The following FLCN variants were observed in gnomAD, a reference collection of about 807,000 sequenced individuals.
FLCN encodes the protein folliculin.
Under a neutral mutation model 62.5 loss-of-function variants are expected in FLCN, and 22 were observed. The ratio of observed to expected loss-of-function variants is 0.35; its 90% CI spans 0.25 to 0.50. FLCN has a LOEUF of 0.50. FLCN is among the 20% of genes least tolerant of loss of function. FLCN has a pLI of 0.97. For synonymous variants in FLCN, 319 were observed against 310.0 expected (o/e 1.03, Z -0.30); for missense variants, 657 against 778.0 (o/e 0.84, Z 1.85).
chr17:17,219,148 A>AG lies in FLCN; in HGVS notation c.932dup (p.Val312CysfsTer78). 6.2e-7 allele frequency: 1 copy of AG among 1,614,166 alleles called. No individual in the cohort carries two copies. The highest frequency in any genetic ancestry group is 8.5e-7 in the Non-Finnish European group (1 of 1,180,032). On this transcript the variant is annotated frameshift_variant, in exon 9 of 14. Coordinates refer to ENST00000285071, the MANE Select transcript of FLCN (RefSeq NM_144997.7). LOFTEE classifies it high-confidence loss of function. ...GCCCTTCTGTACTCTCTGGCAACAC[A>AG]GGGGCTTTCTCCTCCTCTTCAGCCT... is the stretch of plus-strand genomic sequence containing the variant.
intron 7 of FLCN, 140 bp from the exon 8 acceptor site, chr17:17,221,768 G>A (rs1008336184): frequency 2.8e-5 from 25 of 881,444 alleles, no homozygotes; most frequent in Middle Eastern, 3.2e-4. Context: ...GCCAGATCCC[G>A]CATGCAGGCA....
rs543200252 is a variant in FLCN, at chr17:17,221,115, C to G, written c.871+422G>C. The G allele has an allele frequency of 2.9e-5, 39 of 1,358,548 alleles. No homozygotes were observed. In the East Asian group the frequency reaches 1.1e-3, roughly 40 times the overall value. The allele number at this position is 1,358,548 out of a possible 1,614,324, so 84.2% of individuals were successfully genotyped here. ...CCCCAGATCAGGAACCTGGGGAAGC[C>G]CAGGCACCTGGGAGGTCAGGGAACC... On this transcript the variant is annotated intron_variant, in intron 8 of 13. Coordinates refer to ENST00000285071, the MANE Select transcript of FLCN (RefSeq NM_144997.7).
At chr17:17,214,084 T>C (rs1313290599) in intron 13 of FLCN, among the ~76,000 whole-genome samples, 2 of 152,128 alleles carry the variant, frequency 1.3e-5, no homozygotes, top group Non-Finnish European at 2.9e-5. Context: ...CTGTCGGGTA[T>C]GGGTATGGGG....
chr17:17,222,714 C>T (rs1287106843), intron 6 of FLCN, 53 bp from the exon 7 acceptor site: 36 of 1,611,310 alleles, frequency 2.2e-5, no homozygotes, highest in Middle Eastern at 1.6e-4. Context: ...GCCAGCAGCT[C>T]GGACCCCTAC....
intron 1 of FLCN, among the ~76,000 whole-genome samples, chr17:17,234,211 T>TG (rs1360629046): frequency 2.8e-5 from 4 of 143,368 alleles, no homozygotes; most frequent in Admixed American, 2.0e-4. Flanking sequence ...TTGTTTTTTT[T>TG]TGGTTTGTTT....
chr17:17,229,900 A>G (rs776003876), intron 3 of FLCN, among the ~76,000 whole-genome samples: 11 of 152,338 alleles, frequency 7.2e-5, no homozygotes, highest in Admixed American at 1.3e-4. Flanking sequence ...CGGCGGAACC[A>G]TGTGAAGGCC....
chr17:17,221,823 G>C (rs2047099940), intron 7 of FLCN, among the ~76,000 whole-genome samples, 195 bp from the exon 8 acceptor site: 1 of 152,178 alleles, frequency 6.6e-6, no homozygotes, highest in South Asian at 2.1e-4. Flanking sequence ...ATGGATGGGA[G>C]GAACTTGGAG....
In FLCN at chr17:17,213,573, A is replaced by G; in HGVS notation, c.*82T>C. On this transcript the variant is annotated 3_prime_UTR_variant, in exon 14 of 14. Coordinates refer to ENST00000285071, the MANE Select transcript of FLCN (RefSeq NM_144997.7). ...ACACAGCTCCTTCCAGCAGTTGAGA[A>G]ACTCAAGGGACAGTCCCTCTCACGG... is the stretch of plus-strand genomic sequence containing the variant. 3 of 1,576,242 alleles carry G rather than the reference A, an allele frequency of 1.9e-6. No homozygotes were observed. Among genetic ancestry groups the G allele is most frequent in the Non-Finnish European group, 2.6e-6 (3 of 1,147,194 alleles).
At chr17:17,233,122 G>C (rs1393568966) in intron 1 of FLCN, among the ~76,000 whole-genome samples, 2 of 152,106 alleles carry the variant, frequency 1.3e-5, no homozygotes, top group African/African-American at 2.4e-5. Context: ...CTCTAAACCA[G>C]TATTTGATCA....
intron 5 of FLCN, 191 bp from the exon 6 acceptor site, chr17:17,224,334 A>G (rs1016537270): frequency 4.8e-6 from 3 of 622,638 alleles, no homozygotes; most frequent in Non-Finnish European, 8.6e-6. Context: ...TTCCAACAAC[A>G]CTTGTCATTG....
At chr17:17,218,888 C>T in intron 9 of FLCN, 131 bp downstream of exon 9, 1 of 1,036,492 alleles carries the variant, frequency 9.6e-7, no homozygotes, top group Non-Finnish European at 1.4e-6. Flanking sequence ...CAGCCACCCA[C>T]CGAGGAGGCT....
chr17:17,221,006 C>T, intron 8 of FLCN: 3 of 479,010 alleles, frequency 6.3e-6, no homozygotes, highest in Non-Finnish European at 1.1e-5. Flanking sequence ...CAAATCATCC[C>T]TGATGGAAAG....
At chr17:17,223,253 C>A in intron 6 of FLCN, 1 of 185,964 alleles carries the variant, frequency 5.4e-6, no homozygotes, top group Non-Finnish European at 1.1e-5. Context: ...ACCACCATGC[C>A]CAGCTAATTT....
intron 6 of FLCN, chr17:17,222,932 C>T: frequency 2.1e-6 from 1 of 486,002 alleles, no homozygotes; most frequent in Admixed American, 3.0e-5. Context: ...CAGGGGGATT[C>T]TCGTGAGTGG....
intron 13 of FLCN, among the ~76,000 whole-genome samples, chr17:17,214,640 G>A (rs1386095668): frequency 6.6e-6 from 1 of 152,016 alleles, no homozygotes; most frequent in Non-Finnish European, 1.5e-5. Flanking sequence ...AAGCGGGGTG[G>A]GGCATGGGTT....
rs2145041193 is a variant in FLCN, at chr17:17,227,939, C to A, written c.199G>T (p.Ala67Ser). 2 of 1,614,132 alleles carry A rather than the reference C, an allele frequency of 1.2e-6. No homozygotes were observed. Among genetic ancestry groups the A allele is most frequent in the Non-Finnish European group, 1.7e-6 (2 of 1,180,040 alleles). The stretch of plus-strand genomic sequence containing the variant: ...CCCGGGCTGCTGGACTCGACGCTGG[C>A]CCCCTCTGCGGGGCTGTGCGCACGC... ...RMRAHSPAEG[A>S]SVESSSPGPK... The change falls in exon 4 of 14, where the codon GCC becomes TCC. Residue 67 changes from alanine (A) to serine (S), a missense_variant. Transcript: ENST00000285071.
intron 5 of FLCN, 53 bp from the exon 6 acceptor site, chr17:17,224,196 A>G: frequency 1.4e-6 from 2 of 1,477,400 alleles, no homozygotes; most frequent in Non-Finnish European, 9.3e-7. Context: ...GTGACACCAA[A>G]TCAAAGCCTC....
At chr17:17,236,075 G>C (rs1015179800) in intron 1 of FLCN, 1 of 152,138 alleles carries the variant, frequency 6.6e-6, no homozygotes, top group Non-Finnish European at 1.5e-5. Flanking sequence ...CTAAGTAAGG[G>C]CACTCTAAAT....
rs2046870182 is a variant in FLCN at position 17,215,067 on chromosome 17, T to C, written c.1456A>G (p.Ile486Val). Residue 486 changes from isoleucine (I) to valine (V), a missense_variant, in exon 13 of 14, where the codon ATT (isoleucine) becomes GTT (valine). Physicochemically the swap from Ile to Val is conservative, Grantham distance 29. Coordinates refer to ENST00000285071, the MANE Select transcript of FLCN (RefSeq NM_144997.7). Reference sequence around the variant, plus strand: ...TTCTGGTTGGTCAGAGCCGCTTCAATCTTATTCAGGATGGTGGGGCCCACT... The same window carrying C: ...TTCTGGTTGGTCAGAGCCGCTTCAACCTTATTCAGGATGGTGGGGCCCACT... ...DRVGPTILNK[I>V]EAALTNQNLS... 6.2e-7 allele frequency: 1 copy of C among 1,613,744 alleles called. No individual in the cohort carries two copies. Among genetic ancestry groups the C allele is most frequent in the Admixed American group, 1.7e-5 (1 of 59,984 alleles).
Sources: gnomAD v4.1 joint callset for allele counts (sites outside exome capture counted in the v4.1 genomes callset) on GRCh38, gnomAD v4.1.1 for gene constraint, MANE v1.5 for transcripts, NCBI Gene and HGNC (gene_info 2026-07-23, HGNC 2026-07-21) for gene names.